The following SLC29A1 variants were observed in gnomAD, a reference collection of about 807,000 sequenced individuals.
SLC29A1 encodes equilibrative nucleoside transporter 1.
Under a neutral mutation model 48.3 loss-of-function variants are expected in SLC29A1, and 22 were observed. That is an observed-to-expected ratio of 0.46 (90% CI 0.33 to 0.65). The LOEUF is 0.65. Among genes scored for constraint, SLC29A1 ranks in the 30% least tolerant of loss-of-function variants. The pLI, the probability that SLC29A1 is intolerant of heterozygous loss-of-function variation, is 0.03. For missense variants in SLC29A1, 491 were observed against 575.3 expected, an observed-to-expected ratio of 0.85 and a Z score of 1.50; for synonymous variants, 228 against 231.0, an observed-to-expected ratio of 0.99 and a Z score of 0.12.
upstream of SLC29A1, chr6:44,219,896 T>C: frequency 1.5e-6 from 1 of 673,130 alleles, no homozygotes; most frequent in Non-Finnish European, 2.2e-6. Context: ...CCCGCTGGGC[T>C]ACAGTGTCTC....
upstream of SLC29A1, chr6:44,221,563 T>G: frequency 4.8e-6 from 3 of 620,756 alleles, no homozygotes; most frequent in Non-Finnish European, 5.3e-6. This position sits in a 1 kb window ranked among gnomAD's most constrained non-coding sequence, Gnocchi z 4.2. Flanking sequence ...GGACCAACCC[T>G]TCCCACCCCA....
chr6:44,224,800 G>A (rs1357736913), intron 1 of SLC29A1, among the ~76,000 whole-genome samples: 3 of 152,164 alleles, frequency 2.0e-5, no homozygotes, highest in Non-Finnish European at 4.4e-5. Context: ...ACCTCAGCAG[G>A]CCAAGGCATA....
At chr6:44,227,447 G>C (rs910465387) in intron 2 of SLC29A1, 105 bp downstream of exon 2, 4 of 1,001,170 alleles carry the variant, frequency 4.0e-6, no homozygotes, top group Admixed American at 4.0e-5. Flanking sequence ...TGGCCTTCCA[G>C]CCAGGTAGCT....
chr6:44,223,459 C>A, upstream of SLC29A1: 2 of 794,238 alleles, frequency 2.5e-6, no homozygotes, highest in Non-Finnish European at 2.9e-6. This position sits in a 1 kb window ranked among gnomAD's most constrained non-coding sequence, Gnocchi z 5.0. Flanking sequence ...CGGCGGAGCG[C>A]GCGGAGTCGC....
chr6:44,229,779 T>C lies in SLC29A1; in HGVS notation c.302T>C (p.Phe101Ser), dbSNP rs1778407634. 6.2e-7 allele frequency: 1 copy of C among 1,613,518 alleles called. No homozygotes were observed. Among genetic ancestry groups the C allele is most frequent in the South Asian group, 1.1e-5 (1 of 91,072 alleles). The change falls in exon 4 of 13, where the codon TTC becomes TCC. Residue 101 changes from phenylalanine (F) to serine (S), a missense_variant. Physicochemically the swap from Phe to Ser is radical, Grantham distance 155 (BLOSUM62 -2). Transcript: ENST00000371755. The surrounding 1 kb of genome is among the most constrained non-coding windows in gnomAD (Gnocchi z 5.1). ...CTGTTATTCACCTACCTCAACTCCT[T>C]CCTGCATCAGAGGTGAGTGCCCACC... ...PLLLFTYLNS[F>S]LHQRIPQSVR...
chr6:44,221,788 G>A, upstream of SLC29A1: 1 of 437,432 alleles, frequency 2.3e-6, no homozygotes, highest in Non-Finnish European at 4.1e-6. This position sits in a 1 kb window ranked among gnomAD's most constrained non-coding sequence, Gnocchi z 4.2. Flanking sequence ...TAGGGGCCCA[G>A]CAGGATGGAT....
At chr6:44,226,905 T>G in intron 1 of SLC29A1, 2 of 1,063,470 alleles carry the variant, frequency 1.9e-6, no homozygotes, top group Non-Finnish European at 2.3e-6. Flanking sequence ...CCTGCCTTCT[T>G]TGACTGTCTT....
upstream of SLC29A1, among the ~76,000 whole-genome samples, chr6:44,220,662 A>G (rs1424467140): frequency 7.2e-6 from 1 of 138,770 alleles, no homozygotes; most frequent in Non-Finnish European, 1.6e-5. Flanking sequence ...AAAAAAAAAA[A>G]AAAAATACAA....
chr6:44,225,543 A>G (rs868402959), intron 1 of SLC29A1, among the ~76,000 whole-genome samples: 52 of 150,914 alleles, frequency 3.4e-4, no homozygotes, highest in African/African-American at 1.5e-4. Flanking sequence ...CTGAGACCTG[A>G]GGCTTTCCCC....
chr6:44,231,328 C>T (rs1778816265), intron 8 of SLC29A1, 36 bp from the exon 9 acceptor site: 1 of 1,364,664 alleles, frequency 7.3e-7, no homozygotes. Flanking sequence ...GTTGCTCTGT[C>T]TTCCCCACAA....
Position 44,223,803 on chromosome 6 carries a change from A to C in SLC29A1, c.-52+162A>C. On this transcript the variant is annotated intron_variant, in intron 1 of 12. Coordinates refer to ENST00000371755, the MANE Select transcript of SLC29A1 (RefSeq NM_001372327.1). The surrounding 1 kb of genome is among the most constrained non-coding windows in gnomAD (Gnocchi z 5.0). Reference sequence around the variant, plus strand: ...TGCGGAGCGTGCGGAGCCGCGCAGCACGTGGCGCGCACGGGCCAGGGAGCC... The same window carrying C: ...TGCGGAGCGTGCGGAGCCGCGCAGCCCGTGGCGCGCACGGGCCAGGGAGCC... The C allele has an allele frequency of 9.8e-7, 1 of 1,019,986 alleles. No homozygotes were observed. Among genetic ancestry groups the C allele is most frequent in the Non-Finnish European group, 1.2e-6 (1 of 849,948 alleles). The allele number at this position is 1,019,986 out of a possible 1,614,324, so 63.2% of individuals were successfully genotyped here. A position where few individuals can be genotyped will look rare whatever the true frequency, so the allele number is the denominator to read the frequency against.
At chr6:44,228,853 C>A (rs923657229) in intron 2 of SLC29A1, among the ~76,000 whole-genome samples, 6 of 152,214 alleles carry the variant, frequency 3.9e-5, no homozygotes, top group Non-Finnish European at 7.3e-5. Context: ...GCTCTAAGGC[C>A]CTCTCTTCAC....
At chr6:44,231,167 G>C (rs1778769441) in intron 8 of SLC29A1, among the ~76,000 whole-genome samples, 197 bp from the exon 9 acceptor site, 2 of 152,162 alleles carry the variant, frequency 1.3e-5, no homozygotes, top group Non-Finnish European at 2.9e-5. Context: ...ATGACCTGAG[G>C]CTCCTGGGAG....
intron 1 of SLC29A1, chr6:44,226,690 AGGGAGGG>A: frequency 1.0e-6 from 1 of 971,850 alleles, no homozygotes; most frequent in Non-Finnish European, 1.2e-6. Flanking sequence ...GGGGCTCCCC[AGGGAGGG>A]TGGAGAGACC....
intron 2 of SLC29A1, among the ~76,000 whole-genome samples, chr6:44,228,580 G>A (rs1778106573): frequency 6.6e-6 from 1 of 152,232 alleles, no homozygotes; most frequent in African/African-American, 2.4e-5. Context: ...AGCTGGTGTT[G>A]GCTCTGGGGA....
chr6:44,233,743 C>T lies in SLC29A1; in HGVS notation c.*215C>T, dbSNP rs900982685. 41 of 578,324 alleles carry T rather than the reference C, an allele frequency of 7.1e-5. 2 individuals are homozygous for T. The highest frequency in any genetic ancestry group is 5.3e-4 in the South Asian group (25 of 47,430). The allele number at this position is 578,324 out of a possible 1,614,324, so 35.8% of individuals were successfully genotyped here. ...GGGTTTGGGGCTCAGAGTCGAGGGA[C>T]GGGGTGTAGCCTCGGCATTTGCTTG... On this transcript the variant is annotated 3_prime_UTR_variant, in exon 13 of 13. Transcript: ENST00000371755.
At position 44,230,029 on chromosome 6, in the gene SLC29A1, A is replaced by G; in HGVS notation, c.437A>G (p.Lys146Arg). The G allele has an allele frequency of 6.2e-7, 1 of 1,608,528 alleles. No individual in the cohort carries two copies. Among genetic ancestry groups the G allele is most frequent in the Non-Finnish European group, 8.5e-7 (1 of 1,180,004 alleles). The part of the protein sequence containing the change: ...ALPFFVITMI[K>R]IVLINSFGAI... ...CCCTTCTTTGTCATCACCATGATCA[A>G]GATCGTGCTCATTAATTGTAAGCTG... Residue 146 changes from lysine (K) to arginine (R), a missense_variant, in exon 5 of 13, where the codon AAG becomes AGG. Physicochemically the swap from Lys to Arg is conservative, Grantham distance 26. Coordinates refer to ENST00000371755, the MANE Select transcript of SLC29A1 (RefSeq NM_001372327.1).
chr6:44,227,500 G>A (rs934628785), intron 2 of SLC29A1, among the ~76,000 whole-genome samples, 158 bp downstream of exon 2: 18 of 152,204 alleles, frequency 1.2e-4, no homozygotes, highest in Admixed American at 7.2e-4. Context: ...CGTGTGCCTT[G>A]GCTGGGTGCT....
At chr6:44,227,764 G>T (rs1476940837) in intron 2 of SLC29A1, among the ~76,000 whole-genome samples, 1 of 152,230 alleles carries the variant, frequency 6.6e-6, no homozygotes, top group East Asian at 1.9e-4. Context: ...TCTGGAGCCT[G>T]TGAACTCCCA....
Sources: allele counts gnomAD v4.1 joint callset (sites outside exome capture counted in the v4.1 genomes callset), GRCh38; gene constraint gnomAD v4.1.1; non-coding constraint Gnocchi (gnomAD v3.1); transcripts MANE v1.5; gene names NCBI Gene and HGNC (gene_info 2026-07-23, HGNC 2026-07-21).